Variants in MAP4K4 observed in about 807,000 individuals in gnomAD.
The protein encoded by MAP4K4 is HPK/GCK-like kinase HGK.
Under a neutral mutation model 189.6 loss-of-function variants are expected in MAP4K4, and 38 were observed. The observed-to-expected ratio is 0.20, with a 90% CI of 0.15 to 0.26. MAP4K4 has a LOEUF of 0.26. Among genes scored for constraint, MAP4K4 ranks in the 10% least tolerant of loss-of-function variants. MAP4K4 has a pLI of 1.00. For missense variants in MAP4K4, 1,054 were observed against 1,726.9 expected, an observed-to-expected ratio of 0.61 and a Z score of 6.91; for synonymous variants, 610 against 624.3, an observed-to-expected ratio of 0.98 and a Z score of 0.34.
intron 5 of MAP4K4, among the ~76,000 whole-genome samples, chr2:101,826,234 GTAAC>G (rs1199216055): frequency 6.6e-6 from 1 of 151,940 alleles, no homozygotes; most frequent in Non-Finnish European, 1.5e-5. Flanking sequence ...AAAACTTAAA[GTAAC>G]TAATAAGTTA....
intron 3 of MAP4K4, among the ~76,000 whole-genome samples, chr2:101,793,757 G>T (rs1196326999): frequency 1.3e-5 from 2 of 152,094 alleles, no homozygotes; most frequent in African/African-American, 4.8e-5. Flanking sequence ...GAAATTGAAT[G>T]GTGTGGCTGC....
At chr2:101,716,201 TGG>T (rs1412209400) in intron 2 of MAP4K4, among the ~76,000 whole-genome samples, 1 of 152,196 alleles carries the variant, frequency 6.6e-6, no homozygotes. Context: ...CCCAACACTT[TGG>T]GAGGCCGAGG....
At chr2:101,711,792 C>T (rs959380796) in intron 2 of MAP4K4, among the ~76,000 whole-genome samples, 10 of 151,886 alleles carry the variant, frequency 6.6e-5, no homozygotes, top group Non-Finnish European at 1.2e-4. Context: ...TTGTATTAGA[C>T]GTTTCATTAG....
At chr2:101,789,500 A>G (rs1472542682) in intron 2 of MAP4K4, among the ~76,000 whole-genome samples, 1 of 152,180 alleles carries the variant, frequency 6.6e-6, no homozygotes. Flanking sequence ...GCGGTGTCTT[A>G]CCCAGGTACA....
intron 2 of MAP4K4, among the ~76,000 whole-genome samples, chr2:101,704,857 T>G (rs967938221): frequency 5.3e-5 from 8 of 152,038 alleles, no homozygotes; most frequent in African/African-American, 1.9e-4. Flanking sequence ...CAAGGTAATC[T>G]TATATTTATT....
chr2:101,787,469 A>G (rs577674847), intron 2 of MAP4K4, among the ~76,000 whole-genome samples: 3 of 152,242 alleles, frequency 2.0e-5, no homozygotes, highest in African/African-American at 7.2e-5. Context: ...AGCTAAAGAG[A>G]TGCCAGGAGA....
chr2:101,758,821 T>G (rs533031427), intron 2 of MAP4K4, among the ~76,000 whole-genome samples: 1 of 152,180 alleles, frequency 6.6e-6, no homozygotes, highest in Admixed American at 6.5e-5. Flanking sequence ...TGATCTCTTA[T>G]GGATGTTCGC....
intron 2 of MAP4K4, among the ~76,000 whole-genome samples, chr2:101,764,595 C>T (rs553445977): frequency 5.1e-4 from 78 of 152,190 alleles, no homozygotes; most frequent in African/African-American, 1.7e-3. Flanking sequence ...TTAATGATAC[C>T]TAAGGAATTA....
At chr2:101,774,788 C>T (rs1338688515) in intron 2 of MAP4K4, among the ~76,000 whole-genome samples, 3 of 152,114 alleles carry the variant, frequency 2.0e-5, no homozygotes, top group Non-Finnish European at 2.9e-5. Context: ...ACCCCAAAAG[C>T]CCCTCTCATG....
At chr2:101,892,016 GGA>G (rs2098578198) in exon 33 of MAP4K4, 1 of 101,766 alleles carries the variant, frequency 9.8e-6, no homozygotes, top group South Asian at 3.0e-4. Flanking sequence ...AAAAAAAAAA[GGA>G]AAAAAAAAAA....
chr2:101,836,083 G>T (rs1047760239), intron 9 of MAP4K4, 105 bp downstream of exon 9: 1 of 789,824 alleles, frequency 1.3e-6, no homozygotes, highest in African/African-American at 1.8e-5. Flanking sequence ...CTAATTCTGG[G>T]GAACCCAAGA....
chr2:101,828,258 TGCAAGTTAG>T (rs1272445140), intron 5 of MAP4K4, among the ~76,000 whole-genome samples: 1 of 152,220 alleles, frequency 6.6e-6, no homozygotes, highest in Non-Finnish European at 1.5e-5. Context: ...GAAGAGGTTG[TGCAAGTTAG>T]AGAGCAAAAA....
chr2:101,781,041 T>C (rs1287556287), intron 2 of MAP4K4, among the ~76,000 whole-genome samples: 3 of 152,268 alleles, frequency 2.0e-5, no homozygotes, highest in African/African-American at 7.2e-5. Context: ...TAAATACTAG[T>C]GATAGCTGCT....
intron 31 of MAP4K4, 80 bp downstream of exon 31, chr2:101,888,017 T>C (rs927221147): frequency 7.5e-7 from 1 of 1,339,080 alleles, no homozygotes; most frequent in Non-Finnish European, 1.0e-6. Flanking sequence ...ATGCTGATTT[T>C]GTATGTCCTT....
chr2:101,870,161 A>G, intron 22 of MAP4K4, 134 bp from the exon 23 acceptor site: 1 of 837,706 alleles, frequency 1.2e-6, no homozygotes, highest in African/African-American at 1.7e-5. Flanking sequence ...AAAGCTAAGC[A>G]GTTGCTTTTT....
intron 2 of MAP4K4, among the ~76,000 whole-genome samples, chr2:101,701,625 C>G (rs1236736504): frequency 1.3e-5 from 2 of 152,098 alleles, no homozygotes; most frequent in African/African-American, 4.8e-5. Flanking sequence ...TATGTAACTT[C>G]ATCTTAAAAG....
At chr2:101,844,180 G>A in exon 12 of MAP4K4, 1 of 1,611,268 alleles carries the variant, frequency 6.2e-7, no homozygotes, top group Non-Finnish European at 8.5e-7. Flanking sequence ...GGAACGTTCC[G>A]AGGCTCTTCG....
chr2:101,814,787 G>A (rs1474202872), intron 3 of MAP4K4, among the ~76,000 whole-genome samples: 1 of 152,106 alleles, frequency 6.6e-6, no homozygotes, highest in Non-Finnish European at 1.5e-5. Context: ...CGTGTACTGT[G>A]GTGATTCATG....
intron 11 of MAP4K4, among the ~76,000 whole-genome samples, chr2:101,843,686 G>T (rs2096992112): frequency 6.6e-6 from 1 of 152,120 alleles, no homozygotes; most frequent in African/African-American, 2.4e-5. Flanking sequence ...AATTATGACA[G>T]GGCTTGGTGG....
Sources: allele counts gnomAD v4.1 joint callset (sites outside exome capture counted in the v4.1 genomes callset), GRCh38; gene constraint gnomAD v4.1.1; transcripts MANE v1.5; gene names NCBI Gene and HGNC (gene_info 2026-07-23, HGNC 2026-07-21).